Variants in DOCK3 observed in about 807,000 individuals in gnomAD.
DOCK3 encodes dedicator of cytokinesis 3, also known as dedicator of cytokinesis protein 3.
Under a neutral mutation model 265.6 loss-of-function variants are expected in DOCK3, and 60 were observed. The observed-to-expected ratio is 0.23, with a 90% CI of 0.18 to 0.28. The LOEUF is 0.28. Among genes scored for constraint, DOCK3 ranks in the 10% least tolerant of loss-of-function variants. The pLI is 1.00. For missense variants in DOCK3, 1,981 were observed against 2,594.3 expected (o/e 0.76, Z 5.14); for synonymous variants, 881 against 938.0 (o/e 0.94, Z 1.11).
intron 2 of DOCK3, among the ~76,000 whole-genome samples, chr3:50,825,615 C>T (rs2044713437): frequency 1.3e-5 from 2 of 152,110 alleles, no homozygotes; most frequent in Non-Finnish European, 2.9e-5. Flanking sequence ...GGGTGGGGGG[C>T]AGTTAAGTGA....
chr3:51,172,110 T>C (rs1245817864), intron 12 of DOCK3, among the ~76,000 whole-genome samples: 1 of 152,192 alleles, frequency 6.6e-6, no homozygotes, highest in African/African-American at 2.4e-5. Flanking sequence ...ATTTTGAATA[T>C]CTATTTTGTC....
In DOCK3 at chr3:51,260,940, C is replaced by CA. The variant is rs150383972; in HGVS notation, c.2355+615dup. Among the ~76,000 whole-genome samples, 417 of 151,708 alleles carry CA rather than the reference C, an allele frequency of 2.7e-3. 1 individual carries two copies. Among genetic ancestry groups the CA allele is most frequent in the African/African-American group, 9.5e-3 (391 of 41,338 alleles). ...CAGAGGTTGCAGTGAGCCAAGATCG[C>CA]ACCACTGCACTCCAGCCTGGGCAAC... On this transcript the variant is annotated intron_variant, in intron 23 of 52. Transcript: ENST00000266037.
intron 9 of DOCK3, among the ~76,000 whole-genome samples, chr3:51,145,547 C>G (rs946423283): frequency 6.6e-6 from 1 of 152,160 alleles, no homozygotes; most frequent in African/African-American, 2.4e-5. Flanking sequence ...GCTTTGAATG[C>G]AGCCCAACAC....
chr3:51,044,830 C>T (rs2109060937), intron 5 of DOCK3, among the ~76,000 whole-genome samples: 1 of 152,258 alleles, frequency 6.6e-6, no homozygotes, highest in Non-Finnish European at 1.5e-5. Context: ...TTAGCTTAGA[C>T]TTTTCTTCAG....
chr3:50,677,673 C>T (rs1183331051), intron 1 of DOCK3, among the ~76,000 whole-genome samples: 2 of 152,096 alleles, frequency 1.3e-5, no homozygotes, highest in Non-Finnish European at 2.9e-5. Flanking sequence ...CTCCTTTTGC[C>T]CTGATGTTAG....
chr3:51,316,611 T>A (rs1348601850), intron 32 of DOCK3, among the ~76,000 whole-genome samples: 1 of 152,256 alleles, frequency 6.6e-6, no homozygotes, highest in Non-Finnish European at 1.5e-5. Context: ...CTCCGCATAC[T>A]AACCAGTACT....
At chr3:50,917,748 A>G (rs1216494128) in intron 4 of DOCK3, among the ~76,000 whole-genome samples, 1 of 151,540 alleles carries the variant, frequency 6.6e-6, no homozygotes, top group Non-Finnish European at 1.5e-5. Flanking sequence ...TTTTTACGTA[A>G]CTCTGAAGTT....
intron 5 of DOCK3, among the ~76,000 whole-genome samples, chr3:51,049,047 C>T (rs2080887561): frequency 6.6e-6 from 1 of 152,198 alleles, no homozygotes; most frequent in Non-Finnish European, 1.5e-5. Context: ...TTACTGTAGG[C>T]TAGGCGCTGT....
chr3:51,371,198 G>A (rs2087653594), intron 49 of DOCK3, among the ~76,000 whole-genome samples: 1 of 152,170 alleles, frequency 6.6e-6, no homozygotes, highest in African/African-American at 2.4e-5. Flanking sequence ...AGGTGTTGAT[G>A]GTCACCATTT....
intron 3 of DOCK3, among the ~76,000 whole-genome samples, chr3:50,861,246 A>AGTACCTGGATGTTTCAGTT (rs753044183): frequency 8.4e-4 from 128 of 151,804 alleles, no homozygotes; most frequent in Non-Finnish European, 1.6e-3. Flanking sequence ...TCCCAATGTG[A>AGTACCTGGATGTTTCAGTT]GTACCTGGAT....
chr3:51,349,583 C>T (rs1336662316), intron 39 of DOCK3, among the ~76,000 whole-genome samples: 2 of 152,178 alleles, frequency 1.3e-5, no homozygotes. Flanking sequence ...TTAACCAGTT[C>T]TGGCAGGCTG....
At chr3:51,285,632 G>T (rs2081362072) in intron 27 of DOCK3, among the ~76,000 whole-genome samples, 1 of 151,666 alleles carries the variant, frequency 6.6e-6, no homozygotes, top group African/African-American at 2.4e-5. Context: ...AAAAAGAAAA[G>T]AAATTTTAAA....
chr3:50,740,266 T>C (rs890190299), intron 1 of DOCK3, among the ~76,000 whole-genome samples: 3 of 152,178 alleles, frequency 2.0e-5, no homozygotes, highest in Admixed American at 2.0e-4. Context: ...TATCCATTCA[T>C]TGTTGATAGA....
intron 1 of DOCK3, among the ~76,000 whole-genome samples, chr3:50,765,926 C>A (rs1243733952): frequency 6.6e-6 from 1 of 152,136 alleles, no homozygotes; most frequent in Non-Finnish European, 1.5e-5. Context: ...CCTTAACCAC[C>A]CCCAGCCCCT....
intron 5 of DOCK3, among the ~76,000 whole-genome samples, chr3:50,953,448 T>A (rs1489231132): frequency 6.6e-6 from 1 of 152,128 alleles, no homozygotes; most frequent in Non-Finnish European, 1.5e-5. Context: ...CATTCCACTT[T>A]CCACACCTAG....
In DOCK3 at chr3:51,381,246, A is replaced by G. The variant is rs1553618473; in HGVS notation, c.5780A>G (p.Asp1927Gly). ...MPSQAWNADE[D>G]LEPPYLPVHY... is the part of the protein sequence containing the mutation. ...AGTCAGGCCTGGAATGCTGACGAAG[A>G]TCTTGAGCCACCCTACCTCCCTGTC... Residue 1927 changes from aspartate (D) to glycine (G), a missense_variant, in exon 53 of 53, where the codon GAT becomes GGT. Physicochemically the swap from Asp to Gly is moderately conservative, Grantham distance 94. Coordinates refer to ENST00000266037, the MANE Select transcript of DOCK3 (RefSeq NM_004947.5). The surrounding 1 kb of genome is among the most constrained non-coding windows in gnomAD (Gnocchi z 5.6). The G allele has an allele frequency of 1.9e-6, 3 of 1,613,770 alleles. No homozygotes were observed. The highest frequency in any genetic ancestry group is 1.1e-5 in the South Asian group (1 of 91,066).
chr3:51,010,703 T>G (rs1280567895), intron 5 of DOCK3, among the ~76,000 whole-genome samples: 1 of 152,226 alleles, frequency 6.6e-6, no homozygotes, highest in Non-Finnish European at 1.5e-5. Flanking sequence ...TGATGCAGTT[T>G]CCTCCTAGCA....
intron 1 of DOCK3, chr3:50,719,664 G>T: frequency 6.4e-7 from 1 of 1,568,526 alleles, no homozygotes; most frequent in Non-Finnish European, 8.7e-7. Context: ...ATTTGTGTTG[G>T]GTCCAGCATT....
At chr3:51,210,113 G>A (rs983340455) in intron 13 of DOCK3, among the ~76,000 whole-genome samples, 2 of 152,154 alleles carry the variant, frequency 1.3e-5, no homozygotes, top group African/African-American at 2.4e-5. Flanking sequence ...CTACACGTTC[G>A]TGGGACATAA....
Sources: gnomAD v4.1 joint callset for allele counts (sites outside exome capture counted in the v4.1 genomes callset) on GRCh38, gnomAD v4.1.1 for gene constraint, Gnocchi (gnomAD v3.1) non-coding constraint, MANE v1.5 for transcripts, NCBI Gene and HGNC (gene_info 2026-07-23, HGNC 2026-07-21) for gene names.